TEAD1: variants seen among roughly 807,000 people sequenced by gnomAD.
TEAD1 encodes TEA domain transcription factor 1, also known as transcriptional enhancer factor TEF-1.
Under a neutral mutation model 54.9 loss-of-function variants are expected in TEAD1, and 9 were observed. The ratio of observed to expected loss-of-function variants is 0.16; its 90% CI spans 0.10 to 0.29. TEAD1 has a LOEUF of 0.29. Ranked by LOEUF, TEAD1 falls within the 10% of genes least tolerant of loss-of-function variation. The pLI, the probability that TEAD1 is intolerant of heterozygous loss-of-function variation, is 1.00. For missense variants in TEAD1, 387 were observed against 535.9 expected, an observed-to-expected ratio of 0.72 and a Z score of 2.74; for synonymous variants, 200 against 187.8, an observed-to-expected ratio of 1.07 and a Z score of -0.53.
chr11:12,926,018 C>T (rs1948898286), intron 11 of TEAD1, among the ~76,000 whole-genome samples: 1 of 152,018 alleles, frequency 6.6e-6, no homozygotes, highest in Non-Finnish European at 1.5e-5. Context: ...GGGTGAGTTG[C>T]TTTGTTGAAT....
At chr11:12,878,788 T>C in intron 5 of TEAD1, 1 of 644,706 alleles carries the variant, frequency 1.6e-6, no homozygotes, top group Non-Finnish European at 2.3e-6. Context: ...TATATACATA[T>C]GTATATATAC....
At chr11:12,888,918 G>A (rs938870486) in intron 9 of TEAD1, among the ~76,000 whole-genome samples, 3 of 152,118 alleles carry the variant, frequency 2.0e-5, no homozygotes, top group African/African-American at 7.2e-5. Flanking sequence ...GCCGTAAGGA[G>A]CTAATGGGAG....
intron 9 of TEAD1, among the ~76,000 whole-genome samples, chr11:12,894,903 A>G (rs1948279807): frequency 1.3e-5 from 2 of 152,118 alleles, no homozygotes; most frequent in South Asian, 4.1e-4. Flanking sequence ...TATTCTTGAC[A>G]CTCCAGTACA....
intron 3 of TEAD1, among the ~76,000 whole-genome samples, chr11:12,848,572 T>C (rs7121094): frequency 0.071 from 10,756 of 152,148 alleles, 1,341 homozygotes; most frequent in African/African-American, 0.25. Flanking sequence ...TTAACTTCTT[T>C]GAACTGCAGT....
chr11:12,740,144 CTG>C (rs1944622869), intron 2 of TEAD1, among the ~76,000 whole-genome samples: 1 of 152,180 alleles, frequency 6.6e-6, no homozygotes, highest in South Asian at 2.1e-4. Flanking sequence ...TGGAGTCAGA[CTG>C]TCTAGATTTA....
At chr11:12,863,139 A>T (rs992052158) in intron 4 of TEAD1, among the ~76,000 whole-genome samples, 2 of 152,242 alleles carry the variant, frequency 1.3e-5, no homozygotes, top group African/African-American at 4.8e-5. Flanking sequence ...CTGTAATCAG[A>T]CCAAAAGGCT....
At chr11:12,903,632 T>G (rs1459605558) in intron 10 of TEAD1, among the ~76,000 whole-genome samples, 1 of 152,012 alleles carries the variant, frequency 6.6e-6, no homozygotes, top group Non-Finnish European at 1.5e-5. Flanking sequence ...CTGGGCCAAA[T>G]AGTGAAACCC....
chr11:12,818,408 A>AT (rs1490093563), intron 3 of TEAD1, among the ~76,000 whole-genome samples: 4 of 152,012 alleles, frequency 2.6e-5, no homozygotes, highest in Admixed American at 6.6e-5. Context: ...TCATCAAGGG[A>AT]TTTTTTTTCA....
chr11:12,682,686 G>A (rs143293089), intron 2 of TEAD1, among the ~76,000 whole-genome samples: 76 of 152,202 alleles, frequency 5.0e-4, no homozygotes, highest in African/African-American at 1.5e-3. Context: ...GCCACTGAGC[G>A]TTTAAACATT....
rs576304912 is a variant in TEAD1, at chr11:12,800,847, C to CTAT, written c.202+36414_202+36416dup. On this transcript the variant is annotated intron_variant, in intron 3 of 12. Transcript: ENST00000527636. ...CTAGTCTCATAGATTTCTAAGAGTC[C>CTAT]TATATAGCTGTCTTTATCTTAGGCA... Among the ~76,000 whole-genome samples, 20 of 152,258 alleles carry CTAT rather than the reference C, an allele frequency of 1.3e-4. No homozygotes were observed. In the South Asian group the frequency reaches 4.2e-3, roughly 32 times the overall value.
chr11:12,896,685 G>A (rs1948320712), intron 9 of TEAD1, among the ~76,000 whole-genome samples: 1 of 152,176 alleles, frequency 6.6e-6, no homozygotes, highest in Non-Finnish European at 1.5e-5. Flanking sequence ...TAGAAGTGGT[G>A]TTGACTGTCT....
rs10630085 is a variant in TEAD1, at chr11:12,792,355, T to TAAAAAA, written c.202+27935_202+27940dup. Among the ~76,000 whole-genome samples, 4 of 98,652 alleles carry TAAAAAA rather than the reference T, an allele frequency of 4.1e-5. 1 individual carries two copies. The highest frequency in any genetic ancestry group is 3.0e-4 in the East Asian group (1 of 3,302). The allele number at this position is 98,652 out of a possible 152,430, so 64.7% of individuals were successfully genotyped here. On this transcript the variant is annotated intron_variant, in intron 3 of 12. Coordinates refer to ENST00000527636, the MANE Select transcript of TEAD1 (RefSeq NM_021961.6). ...GAAAAGGAAAGTAAAGGGAAAATAGTAAAAAAAAAAAAAAAAAAAGTCCTA... is the reference window on the plus strand; with the variant it reads ...GAAAAGGAAAGTAAAGGGAAAATAGTAAAAAAAAAAAAAAAAAAAAAAAAAGTCCTA...
intron 3 of TEAD1, among the ~76,000 whole-genome samples, chr11:12,799,585 A>G (rs1946007232): frequency 1.3e-5 from 2 of 152,214 alleles, no homozygotes; most frequent in Non-Finnish European, 1.5e-5. Context: ...TTCAGATATT[A>G]TCTTCCTTAG....
intron 2 of TEAD1, among the ~76,000 whole-genome samples, chr11:12,728,930 G>A (rs977864958): frequency 6.6e-6 from 1 of 152,230 alleles, no homozygotes; most frequent in African/African-American, 2.4e-5. Context: ...TGTGTGGGTG[G>A]TTTCTTGGAT....
At chr11:12,818,180 A>G (rs1346118083) in intron 3 of TEAD1, among the ~76,000 whole-genome samples, 4 of 152,192 alleles carry the variant, frequency 2.6e-5, no homozygotes, top group Non-Finnish European at 5.9e-5. Context: ...ATGGAATTGC[A>G]TGCTTACTTT....
At chr11:12,936,504 A>T (rs12807171) in intron 12 of TEAD1, among the ~76,000 whole-genome samples, 1 of 152,064 alleles carries the variant, frequency 6.6e-6, no homozygotes. Context: ...GTCCTTGGCT[A>T]TTGTGAAACA....
chr11:12,786,154 G>T (rs1273241424), intron 3 of TEAD1, among the ~76,000 whole-genome samples: 1 of 152,212 alleles, frequency 6.6e-6, no homozygotes. Context: ...GACATGAGCA[G>T]CTGGGCTTTG....
rs114774643 is a variant in TEAD1, at chr11:12,691,603, C to G, written c.-55+16042C>G. On this transcript the variant is annotated intron_variant, in intron 2 of 12. Coordinates refer to ENST00000527636, the MANE Select transcript of TEAD1 (RefSeq NM_021961.6). ...GCTTGTGCTTGTCATCTTGTCCTTT[C>G]CTCCCTTAAGAAAAAGACCAAACTG... is the stretch of plus-strand genomic sequence containing the variant. 6.5e-3 allele frequency among the ~76,000 whole-genome samples: 986 copies of G among 152,220 alleles called. 6 individuals carry two copies. The highest frequency in any genetic ancestry group is 0.023 in the African/African-American group (939 of 41,516).
chr11:12,879,400 T>C, intron 5 of TEAD1: 1 of 593,856 alleles, frequency 1.7e-6, no homozygotes, highest in Non-Finnish European at 3.0e-6. Context: ...TGGAGAAATC[T>C]TCTGGAAGCT....
Sources: gnomAD v4.1 joint callset for allele counts (sites outside exome capture counted in the v4.1 genomes callset) on GRCh38, gnomAD v4.1.1 for gene constraint, MANE v1.5 for transcripts, NCBI Gene and HGNC (gene_info 2026-07-23, HGNC 2026-07-21) for gene names.